Variants in CPSF7 observed in about 807,000 individuals in gnomAD.
The protein encoded by CPSF7 is cleavage and polyadenylation specific factor 7.
CPSF7 carries 1 observed loss-of-function variant against 44.3 expected under a neutral mutation model. The observed-to-expected ratio is 0.02, with a 90% CI of 0.01 to 0.11. CPSF7 has a LOEUF of 0.11. CPSF7 is among the 10% of genes least tolerant of loss of function. The pLI is 1.00. For missense variants in CPSF7, 443 were observed against 607.2 expected (o/e 0.73, Z 2.84); for synonymous variants, 202 against 222.0 (o/e 0.91, Z 0.80).
At position 61,419,913 on chromosome 11, in the gene CPSF7, T is replaced by C. The variant is rs1262047836; in HGVS notation, c.523+36A>G. 3.1e-6 allele frequency: 5 copies of C among 1,601,302 alleles called. No individual in the cohort carries two copies. The East Asian group carries it at 6.8e-5, about 22-fold the overall frequency. On this transcript the variant is annotated intron_variant, in intron 5 of 9. Transcript: ENST00000439958. The stretch of plus-strand genomic sequence containing the variant: ...ACACCCCCCCCTCATACAGATGGTC[T>C]CCACGTACCCCCTCTTGGGACTCGG...
chr11:61,412,039 G>A (rs1012266992), intron 7 of CPSF7, 102 bp from the exon 8 acceptor site: 18 of 1,002,762 alleles, frequency 1.8e-5, no homozygotes, highest in African/African-American at 1.3e-4. Flanking sequence ...GTAGCTAGCC[G>A]TCCCAAACAA....
intron 2 of CPSF7, among the ~76,000 whole-genome samples, chr11:61,423,996 C>T (rs1056676564): frequency 3.9e-5 from 6 of 152,102 alleles, no homozygotes; most frequent in African/African-American, 1.4e-4. Flanking sequence ...AGAAACCCAC[C>T]AGGAGGGCTT....
chr11:61,420,445 G>A (rs1454834307), intron 4 of CPSF7, 25 bp downstream of exon 4: 1 of 1,565,186 alleles, frequency 6.4e-7, no homozygotes, highest in South Asian at 1.1e-5. Flanking sequence ...CAAATTAAAA[G>A]GGGCTTCTCA....
In CPSF7 at chr11:61,411,005, A is replaced by G; in HGVS notation, c.1327T>C (p.Phe443Leu). 6.2e-7 allele frequency: 1 copy of G among 1,613,778 alleles called. No individual in the cohort carries two copies. The highest frequency in any genetic ancestry group is 8.5e-7 in the Non-Finnish European group (1 of 1,179,940). The stretch of plus-strand genomic sequence containing the variant: ...TCATGCTCCCGGTTCCTTTCTTGGA[A>G]ATAATCATCATGCCGATCTTCATTA... Reference protein sequence around the residue: ...LHNEDRHDDYFQERNREHERH... With the variant: ...LHNEDRHDDYLQERNREHERH... The change falls in exon 9 of 10, where the codon TTC (phenylalanine) becomes CTC (leucine). Residue 443 changes from phenylalanine (F) to leucine (L), a missense_variant. Coordinates refer to ENST00000439958, the MANE Select transcript of CPSF7 (RefSeq NM_001142565.3).
At chr11:61,408,057 CTTT>C (rs111594039) in intron 9 of CPSF7, among the ~76,000 whole-genome samples, 101 of 137,710 alleles carry the variant, frequency 7.3e-4, no homozygotes, top group Middle Eastern at 3.6e-3. Context: ...TCAAGGACAT[CTTT>C]TTTTTTTTTT....
rs182495287 is a variant in CPSF7 at position 61,415,155 on chromosome 11, T to C, written c.1057+511A>G. ...TGGGAGGCTGAGGCAGGAGAATCGC[T>C]TGAAACCAGGAGGTGGAGGCTGTAG... is the stretch of plus-strand genomic sequence containing the variant. On this transcript the variant is annotated intron_variant, in intron 7 of 9. Coordinates refer to ENST00000439958, the MANE Select transcript of CPSF7 (RefSeq NM_001142565.3). Among the ~76,000 whole-genome samples the C allele has an allele frequency of 2.6e-4, 39 of 152,256 alleles. No homozygotes were observed. In the East Asian group the frequency reaches 3.1e-3, roughly 12 times the overall value.
intron 7 of CPSF7, among the ~76,000 whole-genome samples, chr11:61,412,718 G>A (rs1023621114): frequency 2.0e-5 from 3 of 152,196 alleles, no homozygotes; most frequent in East Asian, 3.8e-4. Context: ...TGTAAACAAA[G>A]TAATCCATGT....
chr11:61,419,506 CTTTTAGTTACA>C (rs912837396), intron 5 of CPSF7, among the ~76,000 whole-genome samples: 16 of 152,258 alleles, frequency 1.1e-4, no homozygotes, highest in African/African-American at 3.9e-4. Context: ...TTATAGGCAC[CTTTTAGTTACA>C]TTTTAGGGTG....
chr11:61,421,950 A>G (rs1860921893), intron 2 of CPSF7, among the ~76,000 whole-genome samples: 1 of 152,238 alleles, frequency 6.6e-6, no homozygotes, highest in African/African-American at 2.4e-5. Flanking sequence ...GCTTCTAAAG[A>G]CCACATCTAA....
intron 5 of CPSF7, among the ~76,000 whole-genome samples, 165 bp from the exon 6 acceptor site, chr11:61,416,684 C>G (rs1452763680): frequency 6.6e-6 from 1 of 152,108 alleles, no homozygotes; most frequent in Non-Finnish European, 1.5e-5. Flanking sequence ...AGGTCAGAAG[C>G]AACTCAGTGA....
chr11:61,422,094 C>T (rs896665061), intron 2 of CPSF7, among the ~76,000 whole-genome samples: 5 of 152,028 alleles, frequency 3.3e-5, no homozygotes, highest in Admixed American at 2.0e-4. Flanking sequence ...AAAGTGGGTA[C>T]AAAAATGCAG....
chr11:61,429,171 T>C lies in CPSF7; in HGVS notation c.54+11A>G. 6.7e-7 allele frequency: 1 copy of C among 1,493,382 alleles called. No individual in the cohort carries two copies. The highest frequency in any genetic ancestry group is 9.3e-7 in the Non-Finnish European group (1 of 1,072,254). 92.5% of individuals were successfully genotyped at this position (1,493,382 alleles called of 1,614,324 possible). ...TCAAGGAAAATCCCAAAGCTCCTGA[T>C]GACACCTCACCTGGTTGAACTCCTC... On this transcript the variant is annotated intron_variant, in intron 2 of 9. Transcript: ENST00000439958.
intron 9 of CPSF7, among the ~76,000 whole-genome samples, chr11:61,407,371 A>C (rs1244927462): frequency 6.6e-6 from 1 of 152,220 alleles, no homozygotes; most frequent in East Asian, 1.9e-4. Context: ...TTCAACCCAC[A>C]AGTAACACTA....
At chr11:61,409,578 T>C (rs1342616262) in intron 9 of CPSF7, among the ~76,000 whole-genome samples, 3 of 152,176 alleles carry the variant, frequency 2.0e-5, no homozygotes, top group Non-Finnish European at 4.4e-5. Context: ...CCACAAAGCC[T>C]CTAAACCTGT....
At position 61,421,524 on chromosome 11, in the gene CPSF7, T is replaced by C; in HGVS notation, c.139A>G (p.Ser47Gly). 6.2e-7 allele frequency: 1 copy of C among 1,614,140 alleles called. No homozygotes were observed. The highest frequency in any genetic ancestry group is 8.5e-7 in the Non-Finnish European group (1 of 1,180,028). ...ACAGGAGGAGGTGGTTCAGTGCTGC[T>C]GCTTCTGTCATCTGAGGGCTGTGAG... Reference protein sequence around the residue: ...ATSQPSDDRSSSTEPPPPVRQ... With the variant: ...ATSQPSDDRSGSTEPPPPVRQ... The change falls in exon 3 of 10, where the codon AGC becomes GGC. Residue 47 changes from serine (S) to glycine (G), a missense_variant. Ser to Gly is a moderately conservative substitution (Grantham distance 56, BLOSUM62 0). Transcript: ENST00000439958.
intron 9 of CPSF7, among the ~76,000 whole-genome samples, chr11:61,409,909 G>A (rs948155778): frequency 6.6e-6 from 1 of 152,078 alleles, no homozygotes. Context: ...AGTGGGGGTT[G>A]CAGTGAGCTG....
At chr11:61,426,881 CTGGG>C (rs1861405270) in intron 2 of CPSF7, 5 of 152,094 alleles carry the variant, frequency 3.3e-5, no homozygotes, top group African/African-American at 7.3e-5. Context: ...CAAAAATTAG[CTGGG>C]CATGGCGGTG....
intron 2 of CPSF7, chr11:61,427,052 A>AAAAAAAAAAAAAAG (rs138052480): frequency 1.9e-5 from 2 of 106,576 alleles, no homozygotes; most frequent in Non-Finnish European, 3.8e-5. Flanking sequence ...AAAAAAAAAA[A>AAAAAAAAAAAAAAG]GAGAAGAACT....
chr11:61,416,598 T>A, intron 5 of CPSF7, 79 bp from the exon 6 acceptor site: 1 of 1,413,906 alleles, frequency 7.1e-7, no homozygotes, highest in Non-Finnish European at 9.9e-7. Context: ...TCAGAAGTTA[T>A]CAGACACCCT....
Sources: allele counts gnomAD v4.1 joint callset (sites outside exome capture counted in the v4.1 genomes callset), GRCh38; gene constraint gnomAD v4.1.1; transcripts MANE v1.5; gene names NCBI Gene and HGNC (gene_info 2026-07-23, HGNC 2026-07-21).